Variants in ZNF124 observed in about 807,000 individuals in gnomAD.
The protein encoded by ZNF124 is zinc finger protein HZF-16.
In ZNF124, 25 loss-of-function variants were observed where a neutral mutation model predicts 26.6. The ratio of observed to expected loss-of-function variants is 0.94; its 90% CI spans 0.68 to 1.31. ZNF124 has a LOEUF of 1.31. Among genes scored for constraint, ZNF124 ranks in the 40% most tolerant of loss-of-function variants. The pLI, the probability that ZNF124 is intolerant of heterozygous loss-of-function variation, is 0.00. For missense variants in ZNF124, 444 were observed against 422.2 expected (o/e 1.05, Z -0.45); for synonymous variants, 129 against 133.3 (o/e 0.97, Z 0.22).
At chr1:247,139,238 T>C (rs1238991046) in intron 3 of ZNF124, among the ~76,000 whole-genome samples, 1 of 152,282 alleles carries the variant, frequency 6.6e-6, no homozygotes, top group Non-Finnish European at 1.5e-5. Context: ...GAGACCCATC[T>C]CAAATTTTCA....
At chr1:247,142,634 A>G (rs887113735) in intron 3 of ZNF124, among the ~76,000 whole-genome samples, 5 of 151,980 alleles carry the variant, frequency 3.3e-5, no homozygotes, top group African/African-American at 9.7e-5. Flanking sequence ...AAATGCTTCT[A>G]TTTTTTCAGT....
At chr1:247,157,704 G>C (rs1279273509) in intron 3 of ZNF124, among the ~76,000 whole-genome samples, 1 of 152,174 alleles carries the variant, frequency 6.6e-6, no homozygotes, top group Non-Finnish European at 1.5e-5. Context: ...GGATTGATTA[G>C]TCTACAACAT....
At chr1:247,128,073 G>C (rs370739987) in intron 3 of ZNF124, among the ~76,000 whole-genome samples, 1 of 145,762 alleles carries the variant, frequency 6.9e-6, no homozygotes, top group African/African-American at 2.6e-5. Flanking sequence ...TTTCTTCCTC[G>C]TACTCTCAAA....
Position 247,157,159 on chromosome 1 carries a change from A to G in ZNF124, c.463T>C (p.Cys155Arg), listed in dbSNP as rs891613737. The G allele has an allele frequency of 3.7e-6, 6 of 1,613,698 alleles. No individual in the cohort carries two copies. Among genetic ancestry groups the G allele is most frequent in the African/African-American group, 2.7e-5 (2 of 75,048 alleles). Residue 155 changes from cysteine (C) to arginine (R), a missense_variant, in exon 4 of 4, where the codon TGT becomes CGT. Transcript: ENST00000543802. ...TGEKPYECME[C>R]GKALGFSRSL... ...CGGGAAAAACCTAAGGCTTTCCCAC[A>G]TTCCATACATTCATAGGGTTTCTCT... is the stretch of plus-strand genomic sequence containing the variant.
At position 247,159,909 on chromosome 1, in the gene ZNF124, A is replaced by ACATTTAT. The variant is rs1673380327; in HGVS notation, c.31-103_31-97dup. 7 of 1,460,202 alleles carry ACATTTAT rather than the reference A, an allele frequency of 4.8e-6. No individual in the cohort carries two copies. The African/African-American group carries it at 7.2e-5, about 15-fold the overall frequency. The allele number at this position is 1,460,202 out of a possible 1,614,324, so 90.5% of individuals were successfully genotyped here. A position where few individuals can be genotyped will look rare whatever the true frequency, so the allele number is the denominator to read the frequency against. Reference sequence around the variant, plus strand: ...AGATGTTCATCTGATTCTGTGGCGAACATTTATTCTACTATTTGGTCACTA... The same window carrying ACATTTAT: ...AGATGTTCATCTGATTCTGTGGCGAACATTTATCATTTATTCTACTATTTGGTCACTA... On this transcript the variant is annotated intron_variant, in intron 1 of 3. Coordinates refer to ENST00000543802, the MANE Select transcript of ZNF124 (RefSeq NM_001297568.2).
At chr1:247,149,863 T>C (rs948423108) in intron 3 of ZNF124, 9 of 152,262 alleles carry the variant, frequency 5.9e-5, no homozygotes, top group African/African-American at 2.2e-4. Flanking sequence ...CTTACAGTTA[T>C]ATAGGCTGGG....
downstream of ZNF124, among the ~76,000 whole-genome samples, chr1:247,152,234 A>G (rs1672967368): frequency 6.6e-6 from 1 of 151,536 alleles, no homozygotes; most frequent in Non-Finnish European, 1.5e-5. Flanking sequence ...GGGCACAGGT[A>G]TTAAGTTGCT....
chr1:247,168,827 TGATATAATG>T lies in ZNF124; in HGVS notation c.30+3012_30+3020del, dbSNP rs1324448529. Among the ~76,000 whole-genome samples, 2 of 151,682 alleles carry T rather than the reference TGATATAATG, an allele frequency of 1.3e-5. No homozygotes were observed. The highest frequency in any genetic ancestry group is 4.8e-5 in the African/African-American group (2 of 41,246). ...CTATGAGGTTACAAAGGCATAAGAA[TGATATAATG>T]GACCTTGGTGATTTGGGGGCAAGGG... is the stretch of plus-strand genomic sequence containing the variant. On this transcript the variant is annotated intron_variant, in intron 1 of 3. Coordinates refer to ENST00000543802, the MANE Select transcript of ZNF124 (RefSeq NM_001297568.2). This position sits in a 1 kb window ranked among gnomAD's most constrained non-coding sequence, Gnocchi z 4.0.
At chr1:247,131,510 G>A (rs1231865433) in intron 3 of ZNF124, among the ~76,000 whole-genome samples, 1 of 152,176 alleles carries the variant, frequency 6.6e-6, no homozygotes, top group African/African-American at 2.4e-5. Context: ...AGCCAGTACT[G>A]GGACTCCAAC....
intron 3 of ZNF124, among the ~76,000 whole-genome samples, chr1:247,145,298 C>T (rs1672733533): frequency 1.3e-5 from 2 of 152,146 alleles, no homozygotes; most frequent in South Asian, 2.1e-4. Context: ...AAAGACACAA[C>T]GTTGTCAGAG....
Position 247,143,397 on chromosome 1 carries a change from A to G in ZNF124, c.218+15609T>C, listed in dbSNP as rs1193478512. 3.3e-5 allele frequency among the ~76,000 whole-genome samples: 5 copies of G among 152,328 alleles called. No individual in the cohort carries two copies. In the East Asian group the frequency reaches 9.6e-4, roughly 29 times the overall value. ...ACACTGCTCTACAGCCCTACCACAC[A>G]GGCTTAACCGAGAATTTGACCCCGG... On this transcript the variant is annotated intron_variant, in intron 3 of 3. Transcript: ENST00000472531.
chr1:247,158,976 G>A (rs1236386276), intron 3 of ZNF124, 30 bp downstream of exon 3: 1 of 1,598,214 alleles, frequency 6.3e-7, no homozygotes, highest in East Asian at 2.2e-5. Context: ...ACCCCAAGGG[G>A]GACTGCTTCC....
At chr1:247,159,621 T>C in intron 2 of ZNF124, 66 bp downstream of exon 2, 1 of 1,545,890 alleles carries the variant, frequency 6.5e-7, no homozygotes. Flanking sequence ...AATCATGGAA[T>C]GACATTGAAA....
Position 247,156,771 on chromosome 1 carries a change from T to C in ZNF124, c.851A>G (p.His284Arg), listed in dbSNP as rs1392819959. Residue 284 changes from histidine to arginine, a missense_variant, in exon 4 of 4, where the codon CAT (histidine) becomes CGT (arginine). Transcript: ENST00000543802. ...ASSLQKHEKT[H>R]IAQKPYVCNN... ...ACATACATAGGGTTTCTGTGCAATATGAGTTTTCTCGTGTTTCTGAAGGGA... is the reference window on the plus strand; with the variant it reads ...ACATACATAGGGTTTCTGTGCAATACGAGTTTTCTCGTGTTTCTGAAGGGA... 2.5e-6 allele frequency: 4 copies of C among 1,613,364 alleles called. No individual in the cohort carries two copies. Among genetic ancestry groups the C allele is most frequent in the Middle Eastern group, 1.7e-4 (1 of 6,052 alleles).
chr1:247,125,652 C>G (rs12130663), intron 3 of ZNF124, among the ~76,000 whole-genome samples: 55,173 of 150,856 alleles, frequency 0.37, 11,610 homozygotes, highest in African/African-American at 0.58. Flanking sequence ...GGCTGGTCTC[C>G]AACTCCTGAC....
intron 3 of ZNF124, among the ~76,000 whole-genome samples, chr1:247,145,729 A>G (rs144599167): frequency 0.037 from 5,608 of 152,098 alleles, 130 homozygotes; most frequent in Middle Eastern, 0.15. Context: ...CCTGGGTTCA[A>G]GCGATTCTCC....
At chr1:247,150,828 C>G (rs1469240735), downstream of ZNF124, among the ~76,000 whole-genome samples, 1 of 151,600 alleles carries the variant, frequency 6.6e-6, no homozygotes, top group East Asian at 1.9e-4. Flanking sequence ...AAAACAAAAT[C>G]TCTGTGGCCT....
At position 247,161,846 on chromosome 1, in the gene ZNF124, C is replaced by T. The variant is rs577970146; in HGVS notation, c.31-2033G>A. Among the ~76,000 whole-genome samples, 132 of 152,134 alleles carry T rather than the reference C, an allele frequency of 8.7e-4. 4 individuals carry two copies. The South Asian group carries it at 9.3e-3, about 11-fold the overall frequency. On this transcript the variant is annotated intron_variant, in intron 1 of 3. Transcript: ENST00000543802. ...TGGTGATTACCACACCAAATAAATA[C>T]GCAGAAATGAAGGCCAAGGCAGTGG...
chr1:247,142,267 T>G (rs189281796), intron 3 of ZNF124, among the ~76,000 whole-genome samples: 1 of 152,210 alleles, frequency 6.6e-6, no homozygotes, highest in Non-Finnish European at 1.5e-5. Flanking sequence ...GTGACAACTT[T>G]AGACACACCA....
Sources: allele counts gnomAD v4.1 joint callset (sites outside exome capture counted in the v4.1 genomes callset), GRCh38; gene constraint gnomAD v4.1.1; non-coding constraint Gnocchi (gnomAD v3.1); transcripts MANE v1.5; gene names NCBI Gene and HGNC (gene_info 2026-07-23, HGNC 2026-07-21).